The following TNKS variants were observed in gnomAD, a reference collection of about 807,000 sequenced individuals.
TNKS encodes tankyrase, also known as poly [ADP-ribose] polymerase tankyrase-1.
Under a neutral mutation model 135.8 loss-of-function variants are expected in TNKS, and 72 were observed. The observed-to-expected ratio is 0.53, with a 90% CI of 0.44 to 0.64. The LOEUF is 0.64. Ranked by LOEUF, TNKS falls within the 30% of genes least tolerant of loss-of-function variation. The pLI is 0.00. For synonymous variants in TNKS, 849 were observed against 649.3 expected, an observed-to-expected ratio of 1.31 and a Z score of -4.68; for missense variants, 1,769 against 1,674.0, an observed-to-expected ratio of 1.06 and a Z score of -0.99.
intron 5 of TNKS, among the ~76,000 whole-genome samples, chr8:9,698,374 G>GGAAAAAAAAAAAAAAAAAAAAA (rs1803622905): frequency 1.0e-5 from 1 of 98,762 alleles, no homozygotes; most frequent in African/African-American, 4.0e-5. Context: ...ATTTTAAAAT[G>GGAAAAAAAAAAAAAAAAAAAAA]AAAAAAAAAA....
At chr8:9,643,489 ACCTCTTAAAGGTCCCG>A (rs1263287902) in intron 3 of TNKS, among the ~76,000 whole-genome samples, 4 of 151,696 alleles carry the variant, frequency 2.6e-5, no homozygotes, top group Admixed American at 1.3e-4. Context: ...GGACCTAATC[ACCTCTTAAAGGTCCCG>A]CCTCTCAAAA....
intron 20 of TNKS, among the ~76,000 whole-genome samples, chr8:9,757,668 T>C (rs759400938): frequency 6.6e-6 from 1 of 152,230 alleles, no homozygotes; most frequent in Non-Finnish European, 1.5e-5. Flanking sequence ...CCACTTTTTG[T>C]TTCTTGGTTA....
At chr8:9,676,388 C>T (rs1018588481) in intron 3 of TNKS, among the ~76,000 whole-genome samples, 7 of 152,064 alleles carry the variant, frequency 4.6e-5, no homozygotes, top group African/African-American at 1.7e-4. Context: ...GCTATTCCAT[C>T]TCAACAAAAC....
At chr8:9,569,301 G>A (rs1208951711) in intron 1 of TNKS, among the ~76,000 whole-genome samples, 1 of 152,154 alleles carries the variant, frequency 6.6e-6, no homozygotes, top group Non-Finnish European at 1.5e-5. Flanking sequence ...TAAGTGTACC[G>A]GGAGGTGAAT....
intron 2 of TNKS, among the ~76,000 whole-genome samples, chr8:9,589,187 C>G (rs1035662737): frequency 6.6e-6 from 1 of 152,104 alleles, no homozygotes. Context: ...AATCTACTTT[C>G]ACTTGAATAA....
At chr8:9,660,926 A>G (rs897816751) in intron 3 of TNKS, among the ~76,000 whole-genome samples, 4 of 149,798 alleles carry the variant, frequency 2.7e-5, no homozygotes, top group South Asian at 2.1e-4. Flanking sequence ...AATCACAGGC[A>G]TTCTTATACA....
intron 18 of TNKS, among the ~76,000 whole-genome samples, chr8:9,751,370 CT>C (rs568641587): frequency 9.2e-5 from 14 of 152,004 alleles, no homozygotes; most frequent in African/African-American, 3.1e-4. Flanking sequence ...ACTGAAAGTG[CT>C]TTTTTTTAAA....
chr8:9,670,359 G>C (rs13267242), intron 3 of TNKS, among the ~76,000 whole-genome samples: 1 of 151,838 alleles, frequency 6.6e-6, no homozygotes, highest in Non-Finnish European at 1.5e-5. Context: ...TCAAATTTAG[G>C]TCATCTTAAA....
intron 1 of TNKS, chr8:9,557,011 C>A: frequency 3.3e-6 from 1 of 304,838 alleles, no homozygotes; most frequent in South Asian, 8.5e-5. Context: ...CAGTCCAGAC[C>A]AAAAGAGGTT....
At chr8:9,626,408 C>T (rs1585247489) in intron 3 of TNKS, among the ~76,000 whole-genome samples, 1 of 152,178 alleles carries the variant, frequency 6.6e-6, no homozygotes, top group Non-Finnish European at 1.5e-5. Flanking sequence ...GCAAATTCCT[C>T]ACGTCTAGAA....
intron 1 of TNKS, among the ~76,000 whole-genome samples, chr8:9,568,419 A>G (rs924947640): frequency 1.4e-4 from 21 of 152,216 alleles, no homozygotes; most frequent in African/African-American, 4.8e-4. Context: ...TCACACTCTT[A>G]AAAATAATTG....
chr8:9,556,420 A>C lies in TNKS; in HGVS notation c.481A>C (p.Ser161Arg), dbSNP rs1479481681. Residue 161 changes from serine (S) to arginine (R), a missense_variant, in exon 1 of 27, where the codon AGC becomes CGC. Transcript: ENST00000310430. ...AESPEAAGVSSTAPLGPGAAG... is the reference protein window; with the variant it reads ...AESPEAAGVSRTAPLGPGAAG... ...GAGCCCCGAGGCGGCCGGAGTTAGCAGCACAGCACCACTGGGGCCTGGGGC... is the reference window on the plus strand; with the variant it reads ...GAGCCCCGAGGCGGCCGGAGTTAGCCGCACAGCACCACTGGGGCCTGGGGC... The C allele has an allele frequency of 6.2e-6, 10 of 1,614,194 alleles. No individual in the cohort carries two copies.
chr8:9,772,453 A>G, intron 26 of TNKS: 1 of 453,574 alleles, frequency 2.2e-6, no homozygotes, highest in South Asian at 1.6e-5. Flanking sequence ...GGAATGTTTT[A>G]CTTTTTTTAA....
At chr8:9,583,164 CAAAA>C (rs35527299) in intron 2 of TNKS, among the ~76,000 whole-genome samples, 19 of 71,736 alleles carry the variant, frequency 2.6e-4, no homozygotes, top group South Asian at 2.2e-3. Flanking sequence ...GACTCTGTCT[CAAAA>C]AAAAAAAAAA....
chr8:9,756,793 G>A (rs1248222559), intron 20 of TNKS, among the ~76,000 whole-genome samples: 2 of 151,974 alleles, frequency 1.3e-5, no homozygotes, highest in Non-Finnish European at 1.5e-5. Flanking sequence ...TTCTCCAGTT[G>A]CTTTCAGATT....
chr8:9,578,839 A>C (rs991013856), intron 1 of TNKS, among the ~76,000 whole-genome samples: 3 of 152,214 alleles, frequency 2.0e-5, no homozygotes, highest in Admixed American at 6.5e-5. Flanking sequence ...ATCATTAATT[A>C]AGATTCTAGC....
At chr8:9,588,920 C>G (rs1011444236) in intron 2 of TNKS, among the ~76,000 whole-genome samples, 2 of 152,104 alleles carry the variant, frequency 1.3e-5, no homozygotes, top group African/African-American at 4.8e-5. Flanking sequence ...AGAAGCTTAT[C>G]CAAGTTGAGA....
chr8:9,661,387 T>C (rs1801702210), intron 3 of TNKS, among the ~76,000 whole-genome samples: 1 of 152,072 alleles, frequency 6.6e-6, no homozygotes, highest in African/African-American at 2.4e-5. Flanking sequence ...AAAACAGAGA[T>C]AGAGACCAAT....
At position 9,717,869 on chromosome 8, in the gene TNKS, A is replaced by C. The variant is rs557097285; in HGVS notation, c.1750-2505A>C. ...TTGGTGGTGGCAGCCTGGGGAAGAG[A>C]TTGGAGAAATCTCATGAAGAAAATA... On this transcript the variant is annotated intron_variant, in intron 11 of 26. Coordinates refer to ENST00000310430, the MANE Select transcript of TNKS (RefSeq NM_003747.3). Among the ~76,000 whole-genome samples, 10 of 152,292 alleles carry C rather than the reference A, an allele frequency of 6.6e-5. No homozygotes were observed. The East Asian group carries it at 1.7e-3, about 26-fold the overall frequency.
Sources: gnomAD v4.1 joint callset for allele counts (sites outside exome capture counted in the v4.1 genomes callset) on GRCh38, gnomAD v4.1.1 for gene constraint, MANE v1.5 for transcripts, NCBI Gene and HGNC (gene_info 2026-07-23, HGNC 2026-07-21) for gene names.